CLEC17A: variants seen among roughly 807,000 people sequenced by gnomAD.
CLEC17A encodes the protein C-type lectin domain family 17, member A.
A neutral mutation model predicts 61.3 loss-of-function variants in CLEC17A; 37 were observed. The ratio of observed to expected loss-of-function variants is 0.60; its 90% CI spans 0.46 to 0.79. The LOEUF is 0.79. CLEC17A is among the 30% of genes least tolerant of loss of function. The probability of loss-of-function intolerance (pLI) is 0.00; values close to 1 mark genes in which losing one functional copy is unlikely to be tolerated. For synonymous variants in CLEC17A, 168 were observed against 164.9 expected (o/e 1.02, Z -0.14); for missense variants, 418 against 464.7 (o/e 0.90, Z 0.92).
chr19:14,592,492 C>T (rs2074444664), intron 4 of CLEC17A, 134 bp downstream of exon 4: 7 of 1,503,216 alleles, frequency 4.7e-6, no homozygotes, highest in Non-Finnish European at 6.3e-6. Context: ...GCAACACACA[C>T]CCTGCCCAGG....
intron 13 of CLEC17A, 30 bp downstream of exon 13, chr19:14,607,132 T>C: frequency 9.0e-7 from 1 of 1,109,480 alleles, no homozygotes; most frequent in Non-Finnish European, 1.2e-6. Context: ...GGGGTCTCTC[T>C]GCTTCCTCTG....
At chr19:14,605,047 A>C (rs2074820265) in intron 12 of CLEC17A, among the ~76,000 whole-genome samples, 1 of 152,102 alleles carries the variant, frequency 6.6e-6, no homozygotes, top group Admixed American at 6.5e-5. Context: ...AAAAGTCTAA[A>C]ATGGGCTGGG....
At chr19:14,586,069 C>A (rs1243039746) in intron 2 of CLEC17A, among the ~76,000 whole-genome samples, 1 of 151,842 alleles carries the variant, frequency 6.6e-6, no homozygotes, top group Non-Finnish European at 1.5e-5. Context: ...AGGTTTAGAG[C>A]AGTAATACTT....
chr19:14,593,333 CAAAAAAAA>C, intron 4 of CLEC17A, among the ~76,000 whole-genome samples: 1 of 85,796 alleles, frequency 1.2e-5, no homozygotes. Context: ...CCATCTCTAC[CAAAAAAAA>C]AAAAAAAAAA....
rs952699004 is a variant in CLEC17A, at chr19:14,611,129, T to C, written c.*933T>C. Reference sequence around the variant, plus strand: ...CTGGTCTCATGTAGTCCCCACATCATTGCAAATTACAAACCTAAAAATACA... The same window carrying C: ...CTGGTCTCATGTAGTCCCCACATCACTGCAAATTACAAACCTAAAAATACA... On this transcript the variant is annotated 3_prime_UTR_variant, in exon 14 of 14. Transcript: ENST00000417570. 6.6e-6 allele frequency: 1 copy of C among 152,020 alleles called. No individual in the cohort carries two copies. Among genetic ancestry groups the C allele is most frequent in the African/African-American group, 2.4e-5 (1 of 41,386 alleles). The allele number at this position is 152,020 out of a possible 1,614,324, so 9.4% of individuals were successfully genotyped here.
At chr19:14,595,495 G>A (rs985241785) in intron 8 of CLEC17A, among the ~76,000 whole-genome samples, 180 bp downstream of exon 8, 7 of 152,210 alleles carry the variant, frequency 4.6e-5, no homozygotes, top group Non-Finnish European at 8.8e-5. Flanking sequence ...GCCATTCCTT[G>A]ACATCAGAGT....
chr19:14,594,679 A>G lies in CLEC17A; in HGVS notation c.358A>G (p.Thr120Ala), dbSNP rs779979349. Residue 120 changes from threonine (T) to alanine (A), a missense_variant, in exon 6 of 14, where the codon ACA (threonine) becomes GCA (alanine). By Grantham distance (58) the Thr-to-Ala change is moderately conservative (BLOSUM62 0). Transcript: ENST00000417570. ...ACTTCCTTGCAAGCCCCGGAACATG[A>G]CAGGTGAGAGCTGACAGTTGGAGTC... ...PPLPCKPRNMTGLDLAAVTCP... is the reference protein window; with the variant it reads ...PPLPCKPRNMAGLDLAAVTCP... 2 of 1,613,938 alleles carry G rather than the reference A, an allele frequency of 1.2e-6. No homozygotes were observed. The highest frequency in any genetic ancestry group is 1.7e-6 in the Non-Finnish European group (2 of 1,179,880).
intron 12 of CLEC17A, among the ~76,000 whole-genome samples, chr19:14,600,653 C>T (rs1049939873): frequency 6.6e-6 from 1 of 151,258 alleles, no homozygotes; most frequent in African/African-American, 2.4e-5. Flanking sequence ...TGGATCTTGG[C>T]TCACTGTAAG....
intron 10 of CLEC17A, among the ~76,000 whole-genome samples, chr19:14,598,726 C>T (rs944532448): frequency 1.3e-5 from 2 of 152,154 alleles, no homozygotes; most frequent in African/African-American, 4.8e-5. Flanking sequence ...CCATCTGCGT[C>T]AGCCTCCCAA....
chr19:14,611,113 T>C lies in CLEC17A; in HGVS notation c.*917T>C, dbSNP rs2146773540. The C allele has an allele frequency of 6.6e-6, 1 of 152,066 alleles. No individual in the cohort carries two copies. Among genetic ancestry groups the C allele is most frequent in the East Asian group, 1.9e-4 (1 of 5,176 alleles). The allele number at this position is 152,066 out of a possible 1,614,324, so 9.4% of individuals were successfully genotyped here. A position where few individuals can be genotyped will look rare whatever the true frequency, so the allele number is the denominator to read the frequency against. ...AAATACATTAAGTGGGCTGGTCTCA[T>C]GTAGTCCCCACATCATTGCAAATTA... On this transcript the variant is annotated 3_prime_UTR_variant, in exon 14 of 14. Transcript: ENST00000417570.
At chr19:14,599,613 G>T (rs2074652301) in intron 10 of CLEC17A, 104 bp from the exon 11 acceptor site, 2 of 809,884 alleles carry the variant, frequency 2.5e-6, no homozygotes, top group Non-Finnish European at 4.3e-6. Flanking sequence ...TGGACACAGT[G>T]GGGAACACAA....
rs146987594 is a variant in CLEC17A at position 14,603,638 on chromosome 19, T to G, written c.895-3355T>G. ...CCACTCCCAGCTAAGTTTTGTATTTTTTTTTTTAGTAGAGTTAGGGTATCA... is the reference window on the plus strand; with the variant it reads ...CCACTCCCAGCTAAGTTTTGTATTTGTTTTTTTAGTAGAGTTAGGGTATCA... On this transcript the variant is annotated intron_variant, in intron 12 of 13. Transcript: ENST00000417570. Among the ~76,000 whole-genome samples the G allele has an allele frequency of 4.6e-4, 70 of 152,156 alleles. No homozygotes were observed. The East Asian group carries it at 0.011, about 25-fold the overall frequency.
chr19:14,610,241 A>C lies in CLEC17A; in HGVS notation c.*45A>C, dbSNP rs1323233071. The stretch of plus-strand genomic sequence containing the variant: ...GGGTCCATATCTGAGTGTCTCTTTG[A>C]GATGAGAATCTCCTGCCCTTTCGTG... On this transcript the variant is annotated 3_prime_UTR_variant, in exon 14 of 14. Transcript: ENST00000417570. The C allele has an allele frequency of 1.9e-6, 3 of 1,543,810 alleles. No homozygotes were observed. Among genetic ancestry groups the C allele is most frequent in the Non-Finnish European group, 2.6e-6 (3 of 1,146,650 alleles).
At chr19:14,600,668 G>A (rs1854987141) in intron 12 of CLEC17A, among the ~76,000 whole-genome samples, 1 of 150,578 alleles carries the variant, frequency 6.6e-6, no homozygotes, top group African/African-American at 2.4e-5. Flanking sequence ...TGTAAGCTCC[G>A]CCTCCCGGGT....
intron 10 of CLEC17A, among the ~76,000 whole-genome samples, chr19:14,597,765 G>A (rs1378074462): frequency 6.7e-6 from 1 of 150,190 alleles, no homozygotes; most frequent in Non-Finnish European, 1.5e-5. Context: ...ACACCCGGCT[G>A]GTTAAAAAAT....
intron 9 of CLEC17A, 23 bp downstream of exon 9, chr19:14,597,036 AT>A: frequency 6.2e-7 from 1 of 1,611,056 alleles, no homozygotes. Flanking sequence ...AGGAAGGGAC[AT>A]GGGGAGAGAT....
At chr19:14,583,883 T>C (rs1044487253) in intron 2 of CLEC17A, among the ~76,000 whole-genome samples, 1 of 151,994 alleles carries the variant, frequency 6.6e-6, no homozygotes, top group African/African-American at 2.4e-5. Context: ...GACTTGGATC[T>C]CAAACCCAAG....
Position 14,592,314 on chromosome 19 carries a change from A to G in CLEC17A, c.233A>G (p.Tyr78Cys), listed in dbSNP as rs755756121. ...GAGGAGGAGGAGGAGGATGATGACT[A>G]TGAGAACTCAACACCTCCCTACAAG... ...TMEEEEEDDD[Y>C]ENSTPPYKDL... Residue 78 changes from tyrosine (Y) to cysteine (C), a missense_variant, in exon 4 of 14, where the codon TAT becomes TGT. Transcript: ENST00000417570. 2.5e-6 allele frequency: 4 copies of G among 1,603,940 alleles called. No homozygotes were observed. Among genetic ancestry groups the G allele is most frequent in the Admixed American group, 1.7e-5 (1 of 57,894 alleles).
rs548216119 is a variant in CLEC17A at position 14,603,147 on chromosome 19, A to C, written c.894+2965A>C. ...CAACTACATTTCCTTTAAATTACTC[A>C]TTTTAGTTTCTCTCTTGAGTTCTCA... On this transcript the variant is annotated intron_variant, in intron 12 of 13. Coordinates refer to ENST00000417570, the MANE Select transcript of CLEC17A (RefSeq NM_001204118.2). Among the ~76,000 whole-genome samples the C allele has an allele frequency of 1.6e-4, 25 of 152,280 alleles. No individual in the cohort carries two copies. In the South Asian group the frequency reaches 5.0e-3, roughly 30 times the overall value.
Sources: gnomAD v4.1 joint callset for allele counts (sites outside exome capture counted in the v4.1 genomes callset) on GRCh38, gnomAD v4.1.1 for gene constraint, MANE v1.5 for transcripts, NCBI Gene and HGNC (gene_info 2026-07-23, HGNC 2026-07-21) for gene names.